Variants in HECW2 observed in about 807,000 individuals in gnomAD.
HECW2 encodes E3 ubiquitin-protein ligase HECW2.
Under a neutral mutation model 175.2 loss-of-function variants are expected in HECW2, and 61 were observed. The observed-to-expected ratio is 0.35, with a 90% CI of 0.28 to 0.43. HECW2 has a LOEUF of 0.43. Ranked by LOEUF, HECW2 falls within the 20% of genes least tolerant of loss-of-function variation. HECW2 has a pLI of 1.00. For synonymous variants in HECW2, 671 were observed against 731.0 expected, an observed-to-expected ratio of 0.92 and a Z score of 1.32; for missense variants, 1,524 against 2,000.5, an observed-to-expected ratio of 0.76 and a Z score of 4.54.
chr2:196,394,190 T>C (rs574915661), intron 2 of HECW2, among the ~76,000 whole-genome samples: 2 of 152,048 alleles, frequency 1.3e-5, no homozygotes, highest in Admixed American at 1.3e-4. Flanking sequence ...TTAGGAGATA[T>C]ACCTAATGTA....
intron 19 of HECW2, among the ~76,000 whole-genome samples, chr2:196,246,437 G>A (rs1688645744): frequency 6.6e-6 from 1 of 152,108 alleles, no homozygotes; most frequent in Non-Finnish European, 1.5e-5. Context: ...CCAGGCTGGA[G>A]TGCAGTGGCA....
At chr2:196,366,062 G>T (rs1037818153) in intron 2 of HECW2, among the ~76,000 whole-genome samples, 1 of 152,156 alleles carries the variant, frequency 6.6e-6, no homozygotes, top group Non-Finnish European at 1.5e-5. Context: ...CAGTAATTAA[G>T]AATCATCCAC....
intron 2 of HECW2, among the ~76,000 whole-genome samples, chr2:196,383,522 C>T (rs1449251677): frequency 3.3e-5 from 5 of 152,168 alleles, no homozygotes; most frequent in African/African-American, 1.2e-4. Flanking sequence ...ACAGAAATAA[C>T]TTCAGGCAGG....
chr2:196,374,048 A>ATAC (rs1216763363), intron 2 of HECW2, among the ~76,000 whole-genome samples: 1 of 151,712 alleles, frequency 6.6e-6, no homozygotes, highest in Non-Finnish European at 1.5e-5. Flanking sequence ...AATAAAATAA[A>ATAC]ATAAATAAAT....
intron 1 of HECW2, among the ~76,000 whole-genome samples, chr2:196,504,098 C>T (rs1416440329): frequency 1.3e-5 from 2 of 152,056 alleles, no homozygotes; most frequent in Non-Finnish European, 2.9e-5. Flanking sequence ...GAGTTTGAGA[C>T]CAGCCTGGAT....
At chr2:196,416,651 A>T (rs1164107022) in intron 2 of HECW2, among the ~76,000 whole-genome samples, 1 of 152,238 alleles carries the variant, frequency 6.6e-6, no homozygotes. Context: ...CAATTGAAGC[A>T]GCATGGGAAC....
chr2:196,438,221 C>G (rs1167571799), intron 1 of HECW2, among the ~76,000 whole-genome samples: 1 of 152,146 alleles, frequency 6.6e-6, no homozygotes, highest in Non-Finnish European at 1.5e-5. Flanking sequence ...AGCTGGAAGA[C>G]ACAGGACAGG....
chr2:196,383,113 T>C (rs1368047329), intron 2 of HECW2, among the ~76,000 whole-genome samples: 4 of 152,078 alleles, frequency 2.6e-5, no homozygotes, highest in African/African-American at 7.2e-5. Flanking sequence ...CAGATATAGA[T>C]AAGTTGAAGA....
At chr2:196,261,593 A>G (rs1689295693) in intron 17 of HECW2, among the ~76,000 whole-genome samples, 1 of 152,236 alleles carries the variant, frequency 6.6e-6, no homozygotes, top group Non-Finnish European at 1.5e-5. Flanking sequence ...AAACACAAGC[A>G]CAGAAAGGTG....
intron 1 of HECW2, among the ~76,000 whole-genome samples, chr2:196,537,683 C>T (rs534183960): frequency 2.2e-4 from 33 of 152,134 alleles, no homozygotes; most frequent in African/African-American, 7.2e-4. Flanking sequence ...CATTCCTAGC[C>T]TCTAGATGTT....
intron 1 of HECW2, among the ~76,000 whole-genome samples, chr2:196,518,066 T>C (rs1352164599): frequency 6.6e-6 from 1 of 152,174 alleles, no homozygotes; most frequent in Admixed American, 6.5e-5. Context: ...AAGAAAGCTT[T>C]TAACACACCT....
chr2:196,231,943 C>T (rs933189106), intron 21 of HECW2, among the ~76,000 whole-genome samples: 19 of 151,998 alleles, frequency 1.3e-4, no homozygotes, highest in Non-Finnish European at 2.5e-4. Context: ...GAGCAGAGAT[C>T]GCGCCACTGC....
At chr2:196,262,101 C>A (rs910679428) in intron 17 of HECW2, among the ~76,000 whole-genome samples, 1 of 152,222 alleles carries the variant, frequency 6.6e-6, no homozygotes, top group Non-Finnish European at 1.5e-5. Flanking sequence ...TCATAGCTCA[C>A]TATAGCTTCA....
chr2:196,457,505 A>G (rs1203501789), intron 1 of HECW2, among the ~76,000 whole-genome samples: 1 of 152,236 alleles, frequency 6.6e-6, no homozygotes, highest in Non-Finnish European at 1.5e-5. Flanking sequence ...CTTTTTAAGA[A>G]TGTGTGAGTT....
chr2:196,246,700 T>G (rs1454256018), intron 19 of HECW2, among the ~76,000 whole-genome samples: 2 of 152,080 alleles, frequency 1.3e-5, no homozygotes, highest in East Asian at 3.9e-4. Flanking sequence ...AAGAAACATG[T>G]TTTTTTAAGA....
At chr2:196,461,666 G>A (rs1696749968) in intron 1 of HECW2, among the ~76,000 whole-genome samples, 1 of 152,168 alleles carries the variant, frequency 6.6e-6, no homozygotes. Flanking sequence ...ATGGCAGAAG[G>A]TTAAAGGGAA....
chr2:196,528,912 C>T lies in HECW2; in HGVS notation c.-36+64596G>A, dbSNP rs112356961. ...TCTTTTTCTACATTAGTGAAATGCT[C>T]CAAAAACCGTTAAATGAGACTTCCT... is the stretch of plus-strand genomic sequence containing the variant. On this transcript the variant is annotated intron_variant, in intron 1 of 28. Transcript: ENST00000644978. Among the ~76,000 whole-genome samples the T allele has an allele frequency of 2.5e-4, 38 of 152,328 alleles. 1 individual carries two copies. The highest frequency in any genetic ancestry group is 5.1e-4 in the Non-Finnish European group (35 of 68,024).
At chr2:196,360,148 A>G (rs1693534952) in intron 2 of HECW2, among the ~76,000 whole-genome samples, 1 of 152,166 alleles carries the variant, frequency 6.6e-6, no homozygotes, top group Non-Finnish European at 1.5e-5. Flanking sequence ...AAACCTCCAA[A>G]GAGCTAAAAA....
intron 21 of HECW2, among the ~76,000 whole-genome samples, chr2:196,237,633 A>AT (rs1688303237): frequency 6.6e-6 from 1 of 152,264 alleles, no homozygotes; most frequent in South Asian, 2.1e-4. Flanking sequence ...TGCAAAAGAT[A>AT]TTTTTCTACT....
Sources: allele counts gnomAD v4.1 joint callset (sites outside exome capture counted in the v4.1 genomes callset), GRCh38; gene constraint gnomAD v4.1.1; transcripts MANE v1.5; gene names NCBI Gene and HGNC (gene_info 2026-07-23, HGNC 2026-07-21).